DOCK8: variants seen among roughly 807,000 people sequenced by gnomAD.
DOCK8 encodes the protein dedicator of cytokinesis protein 8.
DOCK8 carries 141 observed loss-of-function variants against 245.6 expected under a neutral mutation model. That is an observed-to-expected ratio of 0.57 (90% confidence interval 0.50 to 0.66). The LOEUF is 0.66. Among genes scored for constraint, DOCK8 ranks in the 30% least tolerant of loss-of-function variants. The pLI is 0.00. For missense variants in DOCK8, 2,965 were observed against 2,603.4 expected, an observed-to-expected ratio of 1.14 and a Z score of -3.02; for synonymous variants, 1,168 against 970.2, an observed-to-expected ratio of 1.20 and a Z score of -3.79.
intron 1 of DOCK8, among the ~76,000 whole-genome samples, chr9:222,318 A>G (rs1392137622): frequency 1.3e-5 from 2 of 152,140 alleles, no homozygotes; most frequent in African/African-American, 2.4e-5. Flanking sequence ...ACAATAGTGT[A>G]TAGAGTTTGA....
At chr9:253,481 A>C (rs1213317493) in intron 1 of DOCK8, among the ~76,000 whole-genome samples, 1 of 152,208 alleles carries the variant, frequency 6.6e-6, no homozygotes, top group African/African-American at 2.4e-5. Context: ...TACCACCTGC[A>C]AGATTTGTTA....
intron 1 of DOCK8, among the ~76,000 whole-genome samples, chr9:219,144 C>G (rs1304975229): frequency 6.6e-6 from 1 of 152,136 alleles, no homozygotes; most frequent in Non-Finnish European, 1.5e-5. Flanking sequence ...GTGCTAAGAA[C>G]TTTATATACC....
At chr9:251,532 G>A (rs781264497) in intron 1 of DOCK8, among the ~76,000 whole-genome samples, 1 of 152,042 alleles carries the variant, frequency 6.6e-6, no homozygotes, top group African/African-American at 2.4e-5. Context: ...CCAAGCCCCC[G>A]GGAAGGAAAA....
In DOCK8 at chr9:379,746, A is replaced by T. The variant is rs367931429; in HGVS notation, c.2441-25A>T. The T allele has an allele frequency of 3.1e-4, 502 of 1,613,760 alleles. 1 individual carries two copies. Among genetic ancestry groups the T allele is most frequent in the Non-Finnish European group, 4.0e-4 (472 of 1,179,868 alleles). On this transcript the variant is annotated intron_variant, in intron 20 of 47. Coordinates refer to ENST00000432829, the MANE Select transcript of DOCK8 (RefSeq NM_203447.4). ...CTCCTTAAGGACCAGCTGTGGGACT[A>T]CCCATTTTTCTCTTGGTTCCTCAGC...
At chr9:289,748 T>A (rs992032679) in intron 4 of DOCK8, among the ~76,000 whole-genome samples, 167 bp downstream of exon 4, 1 of 152,210 alleles carries the variant, frequency 6.6e-6, no homozygotes, top group African/African-American at 2.4e-5. Flanking sequence ...ACACACACAG[T>A]TCCCCCTATT....
intron 1 of DOCK8, among the ~76,000 whole-genome samples, chr9:243,852 C>G (rs1443815699): frequency 6.6e-6 from 1 of 152,042 alleles, no homozygotes; most frequent in Non-Finnish European, 1.5e-5. Context: ...AAAGACAATC[C>G]ATGGTGCCTA....
chr9:443,380 C>T (rs759709280), intron 42 of DOCK8, 47 bp from the exon 43 acceptor site: 5 of 1,540,600 alleles, frequency 3.2e-6, no homozygotes, highest in Non-Finnish European at 4.5e-6. Flanking sequence ...CAAAGAGTTG[C>T]ATTATGTTAA....
chr9:430,380 T>A (rs765589240), intron 36 of DOCK8, among the ~76,000 whole-genome samples: 27 of 151,332 alleles, frequency 1.8e-4, no homozygotes, highest in Non-Finnish European at 2.4e-4. Context: ...TTTCAAAAAA[T>A]AATAATAATA....
At chr9:425,486 T>C (rs192678565) in intron 33 of DOCK8, among the ~76,000 whole-genome samples, 3,010 of 143,530 alleles carry the variant, frequency 0.021, 42 homozygotes, top group Middle Eastern at 0.028. Flanking sequence ...GAGCCAAGAT[T>C]GCGCCACTGC....
chr9:304,822 C>CT, intron 5 of DOCK8, 118 bp downstream of exon 5: 1 of 1,389,076 alleles, frequency 7.2e-7, no homozygotes, highest in Non-Finnish European at 1.0e-6. Flanking sequence ...GTAGGAGGAA[C>CT]TTTACCATCT....
At chr9:408,917 C>T (rs1156578248) in intron 28 of DOCK8, among the ~76,000 whole-genome samples, 1 of 150,216 alleles carries the variant, frequency 6.7e-6, no homozygotes, top group Non-Finnish European at 1.5e-5. Context: ...TGCACACACA[C>T]AGTACCCTTT....
intron 2 of DOCK8, chr9:272,851 C>T: frequency 6.2e-6 from 1 of 160,928 alleles, no homozygotes; most frequent in African/African-American, 2.4e-5. Context: ...TTTGTAAAAC[C>T]AGCAGTGAAT....
chr9:351,310 G>A (rs1483496567), intron 14 of DOCK8, among the ~76,000 whole-genome samples: 1 of 152,206 alleles, frequency 6.6e-6, no homozygotes, highest in African/African-American at 2.4e-5. Context: ...TGTTTCTAGA[G>A]TGGCACCCTG....
intron 6 of DOCK8, 44 bp downstream of exon 6, chr9:312,210 C>T (rs769655546): frequency 6.2e-7 from 1 of 1,600,742 alleles, no homozygotes; most frequent in East Asian, 2.2e-5. Flanking sequence ...AGTGAAGACT[C>T]TGAGAGTCAT....
chr9:353,804 T>C (rs897291511), intron 14 of DOCK8, among the ~76,000 whole-genome samples: 6 of 151,832 alleles, frequency 4.0e-5, no homozygotes, highest in African/African-American at 1.5e-4. Flanking sequence ...CTGCAGGAGG[T>C]TTTCATTCAA....
At chr9:287,070 A>G (rs2048853766) in intron 3 of DOCK8, among the ~76,000 whole-genome samples, 1 of 152,218 alleles carries the variant, frequency 6.6e-6, no homozygotes, top group South Asian at 2.1e-4. Context: ...CAGTTATGAG[A>G]CTGGATCAAG....
chr9:400,828 CACCAT>C (rs1564015683), intron 26 of DOCK8, among the ~76,000 whole-genome samples: 19 of 52,932 alleles, frequency 3.6e-4, no homozygotes, highest in East Asian at 1.3e-3. Context: ...CCTCCACCAT[CACCAT>C]CACCACCACC....
intron 1 of DOCK8, among the ~76,000 whole-genome samples, chr9:241,153 G>A (rs570206298): frequency 6.6e-6 from 1 of 152,072 alleles, no homozygotes; most frequent in Admixed American, 6.5e-5. Context: ...TGATGTTTTG[G>A]TACATATAAT....
intron 42 of DOCK8, 61 bp downstream of exon 42, chr9:442,070 G>T (rs1383859679): frequency 9.4e-6 from 15 of 1,600,182 alleles, no homozygotes; most frequent in Admixed American, 1.7e-5. Context: ...GTTAGAGTGG[G>T]TCATCACCAA....
Sources: gnomAD v4.1 joint callset for allele counts (sites outside exome capture counted in the v4.1 genomes callset) on GRCh38, gnomAD v4.1.1 for gene constraint, MANE v1.5 for transcripts, NCBI Gene and HGNC (gene_info 2026-07-23, HGNC 2026-07-21) for gene names.